CFAP299: variants seen among roughly 807,000 people sequenced by gnomAD.
The protein encoded by CFAP299 is cilia and flagella associated protein 299, also known as cilia- and flagella-associated protein 299.
CFAP299 carries 21 observed loss-of-function variants against 27.0 expected under a neutral mutation model. The observed-to-expected ratio is 0.78, with a 90% CI of 0.55 to 1.12. CFAP299 has a LOEUF of 1.12. Among genes scored for constraint, CFAP299 ranks in the 50% most tolerant of loss-of-function variants. The pLI, the probability that CFAP299 is intolerant of heterozygous loss-of-function variation, is 0.00. For missense variants in CFAP299, 310 were observed against 276.6 expected (o/e 1.12, Z -0.86); for synonymous variants, 104 against 98.1 (o/e 1.06, Z -0.36).
At chr4:80,859,409 C>T (rs375138998) in intron 3 of CFAP299, among the ~76,000 whole-genome samples, 5 of 152,044 alleles carry the variant, frequency 3.3e-5, no homozygotes, top group Admixed American at 1.3e-4. Context: ...AGTCCATTTA[C>T]ATTTAAAGTT....
intron 2 of CFAP299, among the ~76,000 whole-genome samples, chr4:80,497,017 G>A (rs537503786): frequency 3.3e-5 from 5 of 152,194 alleles, no homozygotes; most frequent in African/African-American, 1.2e-4. Flanking sequence ...CCATACATGA[G>A]GTATCTGCTC....
At chr4:80,755,280 GTCAGT>G (rs1725173076) in intron 3 of CFAP299, among the ~76,000 whole-genome samples, 2 of 151,918 alleles carry the variant, frequency 1.3e-5, no homozygotes, top group Admixed American at 6.6e-5. Flanking sequence ...CTCCTATAGA[GTCAGT>G]TCTAACAACA....
At chr4:80,588,149 C>A (rs978476966) in intron 3 of CFAP299, among the ~76,000 whole-genome samples, 1 of 151,128 alleles carries the variant, frequency 6.6e-6, no homozygotes, top group Non-Finnish European at 1.5e-5. Context: ...TATACATTTC[C>A]TTCCCCATTC....
intron 3 of CFAP299, among the ~76,000 whole-genome samples, chr4:80,731,989 T>A (rs941759359): frequency 6.6e-6 from 1 of 152,116 alleles, no homozygotes; most frequent in African/African-American, 2.4e-5. Flanking sequence ...CATAGAATTT[T>A]GTCCTTATTG....
intron 1 of CFAP299, among the ~76,000 whole-genome samples, chr4:80,358,817 C>T (rs1354223923): frequency 6.6e-6 from 1 of 152,150 alleles, no homozygotes; most frequent in Non-Finnish European, 1.5e-5. Context: ...AGCCCATTTA[C>T]ATTCAGAGTT....
intron 3 of CFAP299, among the ~76,000 whole-genome samples, chr4:80,834,596 C>T (rs913826474): frequency 6.6e-6 from 1 of 152,168 alleles, no homozygotes; most frequent in African/African-American, 2.4e-5. Context: ...TTCAGTGGCT[C>T]CCTTAGACTA....
intron 2 of CFAP299, among the ~76,000 whole-genome samples, chr4:80,545,723 G>T (rs1046881589): frequency 2.6e-5 from 4 of 152,136 alleles, no homozygotes; most frequent in Non-Finnish European, 4.4e-5. Context: ...AAGGAGGAGG[G>T]ACTCCTCTCT....
chr4:80,458,527 G>T (rs1453281265), intron 2 of CFAP299, among the ~76,000 whole-genome samples: 2 of 152,116 alleles, frequency 1.3e-5, no homozygotes, highest in Non-Finnish European at 2.9e-5. Flanking sequence ...TATTCTTTGT[G>T]TATTTTTTAT....
chr4:80,700,664 A>G (rs149679910), intron 3 of CFAP299, among the ~76,000 whole-genome samples: 1 of 152,090 alleles, frequency 6.6e-6, no homozygotes, highest in Non-Finnish European at 1.5e-5. Context: ...TCAGGAATAC[A>G]TGAAGTGAGA....
intron 3 of CFAP299, among the ~76,000 whole-genome samples, chr4:80,814,730 A>T (rs1253550665): frequency 6.6e-6 from 1 of 151,978 alleles, no homozygotes; most frequent in Non-Finnish European, 1.5e-5. Context: ...AAAAAAAAAA[A>T]GTTTGGCTGA....
At chr4:80,464,605 T>G (rs1011221327) in intron 2 of CFAP299, among the ~76,000 whole-genome samples, 2 of 152,118 alleles carry the variant, frequency 1.3e-5, no homozygotes, top group African/African-American at 4.8e-5. Context: ...TAACCTTTCC[T>G]TTTAAACACA....
chr4:80,411,024 C>T (rs1454663088), intron 2 of CFAP299, among the ~76,000 whole-genome samples: 3 of 152,102 alleles, frequency 2.0e-5, no homozygotes, highest in Non-Finnish European at 2.9e-5. Flanking sequence ...GGGTAAAATT[C>T]GGTAATGTAT....
Position 80,841,151 on chromosome 4 carries a change from G to A in CFAP299, c.334-28842G>A, listed in dbSNP as rs571942694. Among the ~76,000 whole-genome samples, 3 of 152,188 alleles carry A rather than the reference G, an allele frequency of 2.0e-5. No homozygotes were observed. The East Asian group carries it at 5.8e-4, about 29-fold the overall frequency. ...AATAAGCACTTTATAAATATGTGTTGAATAAATGAAATGTTAACCAGCACT... is the reference window on the plus strand; with the variant it reads ...AATAAGCACTTTATAAATATGTGTTAAATAAATGAAATGTTAACCAGCACT... On this transcript the variant is annotated intron_variant, in intron 3 of 5. Coordinates refer to ENST00000358105, the MANE Select transcript of CFAP299 (RefSeq NM_152770.3).
chr4:80,542,459 T>C (rs1234807681), intron 2 of CFAP299, among the ~76,000 whole-genome samples: 1 of 152,004 alleles, frequency 6.6e-6, no homozygotes, highest in African/African-American at 2.4e-5. Context: ...GATCCAGATG[T>C]TGGTACTGAA....
intron 3 of CFAP299, among the ~76,000 whole-genome samples, chr4:80,597,092 A>T (rs187532759): frequency 7.2e-4 from 110 of 152,290 alleles, no homozygotes; most frequent in African/African-American, 2.5e-3. Context: ...CCTACAAGTA[A>T]AATTGCTAGG....
intron 3 of CFAP299, among the ~76,000 whole-genome samples, chr4:80,686,451 T>C (rs1720202568): frequency 6.6e-6 from 1 of 152,222 alleles, no homozygotes; most frequent in South Asian, 2.1e-4. Flanking sequence ...CTTTCATATG[T>C]GTTGCAAGTG....
intron 3 of CFAP299, among the ~76,000 whole-genome samples, chr4:80,753,580 CT>C (rs1236671289): frequency 6.6e-6 from 1 of 152,098 alleles, no homozygotes; most frequent in Non-Finnish European, 1.5e-5. Context: ...AATATTTCTA[CT>C]GATTTGTTTT....
chr4:80,672,038 A>T (rs1286540437), intron 3 of CFAP299, among the ~76,000 whole-genome samples: 5 of 152,086 alleles, frequency 3.3e-5, no homozygotes, highest in Non-Finnish European at 2.9e-5. Flanking sequence ...TTCCAACATT[A>T]TGTTGAATAG....
At chr4:80,559,912 A>C (rs1290313148) in intron 2 of CFAP299, among the ~76,000 whole-genome samples, 1 of 152,156 alleles carries the variant, frequency 6.6e-6, no homozygotes, top group Non-Finnish European at 1.5e-5. Flanking sequence ...TAAGGACTGC[A>C]ATGCTTAGGC....
Sources: gnomAD v4.1 joint callset for allele counts (sites outside exome capture counted in the v4.1 genomes callset) on GRCh38, gnomAD v4.1.1 for gene constraint, MANE v1.5 for transcripts, NCBI Gene and HGNC (gene_info 2026-07-23, HGNC 2026-07-21) for gene names.